The following SLC33A1 variants were observed in gnomAD, a reference collection of about 807,000 sequenced individuals.
The protein encoded by SLC33A1 is solute carrier family 33 member 1, also known as acetyl-coenzyme A transporter 1.
Under a neutral mutation model 50.0 loss-of-function variants are expected in SLC33A1, and 20 were observed. That is an observed-to-expected ratio of 0.40 (90% CI 0.28 to 0.58). SLC33A1 has a LOEUF of 0.58. Ranked by LOEUF, SLC33A1 falls within the 20% of genes least tolerant of loss-of-function variation. SLC33A1 has a pLI of 0.44. For synonymous variants in SLC33A1, 265 were observed against 251.8 expected, an observed-to-expected ratio of 1.05 and a Z score of -0.50; for missense variants, 476 against 657.0, an observed-to-expected ratio of 0.72 and a Z score of 3.01.
rs947363198 is a variant in SLC33A1 at position 155,829,666 on chromosome 3, T to C, written c.1482+22A>G. 1.6e-5 allele frequency: 25 copies of C among 1,517,922 alleles called. 1 individual carries two copies. Among genetic ancestry groups the C allele is most frequent in the Non-Finnish European group, 2.0e-5 (22 of 1,092,264 alleles). 94.0% of individuals were successfully genotyped at this position (1,517,922 alleles called of 1,614,324 possible). ...ATATCTTAGTATTAGCTTAATGTTA[T>C]CTAAAATTAAAACATACTTACCTCA... is the stretch of plus-strand genomic sequence containing the variant. On this transcript the variant is annotated intron_variant, in intron 5 of 5. Transcript: ENST00000643144.
At chr3:155,846,133 G>A (rs779268990) in intron 1 of SLC33A1, among the ~76,000 whole-genome samples, 38 of 152,126 alleles carry the variant, frequency 2.5e-4, no homozygotes, top group Non-Finnish European at 4.7e-4. Context: ...ACAATAGCTC[G>A]CACCTGAGTG....
intron 2 of SLC33A1, among the ~76,000 whole-genome samples, chr3:155,835,114 T>A (rs2109315294): frequency 6.6e-6 from 1 of 152,368 alleles, no homozygotes; most frequent in South Asian, 2.1e-4. Flanking sequence ...AGAAAACTTG[T>A]TCTTAGGAAA....
At chr3:155,851,985 C>T (rs1420905492) in intron 1 of SLC33A1, among the ~76,000 whole-genome samples, 1 of 152,170 alleles carries the variant, frequency 6.6e-6, no homozygotes, top group South Asian at 2.1e-4. Flanking sequence ...CTGTGAATTT[C>T]CAAGGTAGCA....
intron 5 of SLC33A1, among the ~76,000 whole-genome samples, chr3:155,829,283 A>G (rs1560011145): frequency 6.6e-6 from 1 of 152,222 alleles, no homozygotes; most frequent in African/African-American, 2.4e-5. Flanking sequence ...AAGTAGACAA[A>G]TACCACTTTG....
chr3:155,848,208 G>A (rs1276153190), intron 1 of SLC33A1, among the ~76,000 whole-genome samples: 3 of 152,088 alleles, frequency 2.0e-5, no homozygotes, highest in Non-Finnish European at 4.4e-5. Context: ...CTATTATAAC[G>A]CATTGCAGCC....
chr3:155,829,517 A>G (rs973072176), intron 5 of SLC33A1, among the ~76,000 whole-genome samples, 171 bp downstream of exon 5: 3 of 152,216 alleles, frequency 2.0e-5, no homozygotes, highest in Admixed American at 2.0e-4. Context: ...GCTGATTTGA[A>G]TGATTATAAC....
intron 2 of SLC33A1, among the ~76,000 whole-genome samples, chr3:155,839,900 G>A (rs1041617806): frequency 2.0e-5 from 3 of 151,440 alleles, no homozygotes; most frequent in Admixed American, 1.3e-4. Flanking sequence ...AGCAGAGATC[G>A]CGCCACTGTA....
At chr3:155,836,327 A>AAAGAAAGAAAG (rs1560015448) in intron 2 of SLC33A1, among the ~76,000 whole-genome samples, 3 of 138,616 alleles carry the variant, frequency 2.2e-5, no homozygotes, top group Admixed American at 7.7e-5. Flanking sequence ...AAGAAAGAAA[A>AAAGAAAGAAAG]AAAGAAAGAA....
intron 1 of SLC33A1, among the ~76,000 whole-genome samples, chr3:155,847,519 CG>C (rs1461081847): frequency 6.6e-6 from 1 of 151,730 alleles, no homozygotes; most frequent in African/African-American, 2.4e-5. Flanking sequence ...CTGAGGTGGG[CG>C]GATCACCTGA....
At chr3:155,836,156 C>T (rs150202351) in intron 2 of SLC33A1, among the ~76,000 whole-genome samples, 2,905 of 150,648 alleles carry the variant, frequency 0.019, 88 homozygotes, top group African/African-American at 0.067. Flanking sequence ...TGGTGGTATA[C>T]GCCTGTAGTC....
In SLC33A1 at chr3:155,842,491, A is replaced by G. The variant is rs886058109; in HGVS notation, c.904T>C (p.Phe302Leu). 6.2e-7 allele frequency: 1 copy of G among 1,612,698 alleles called. No individual in the cohort carries two copies. The highest frequency in any genetic ancestry group is 8.5e-7 in the Non-Finnish European group (1 of 1,179,246). Residue 302 changes from phenylalanine to leucine, a missense_variant, in exon 2 of 6, where the codon TTT (phenylalanine) becomes CTT (leucine). Coordinates refer to ENST00000643144, the MANE Select transcript of SLC33A1 (RefSeq NM_004733.4). ...ACTGCTGGCATTTTTATAATTGCAAAAAGCAGCTTGTAAGTATCTGTGATC... is the reference window on the plus strand; with the variant it reads ...ACTGCTGGCATTTTTATAATTGCAAGAAGCAGCTTGTAAGTATCTGTGATC... ...QGITDTYKLLFAIIKMPAVLT... is the reference protein window; with the variant it reads ...QGITDTYKLLLAIIKMPAVLT...
chr3:155,852,869 T>C (rs970479009), intron 1 of SLC33A1, among the ~76,000 whole-genome samples: 1 of 152,168 alleles, frequency 6.6e-6, no homozygotes, highest in Non-Finnish European at 1.5e-5. Context: ...TTAGAAAGTA[T>C]AGAGCTAGAA....
At chr3:155,846,903 G>T (rs1279771934) in intron 1 of SLC33A1, among the ~76,000 whole-genome samples, 1 of 151,686 alleles carries the variant, frequency 6.6e-6, no homozygotes, top group Admixed American at 6.6e-5. Context: ...ATTATAGGGA[G>T]ATTACTTTAA....
At chr3:155,838,437 T>C (rs958762201) in intron 2 of SLC33A1, among the ~76,000 whole-genome samples, 3 of 151,832 alleles carry the variant, frequency 2.0e-5, no homozygotes, top group Non-Finnish European at 4.4e-5. Flanking sequence ...TCCCAGCACT[T>C]TGGGAGGCAA....
At position 155,833,557 on chromosome 3, in the gene SLC33A1, G is replaced by C. The variant is rs761620669; in HGVS notation, c.1177C>G (p.Leu393Val). 1.3e-6 allele frequency: 2 copies of C among 1,595,894 alleles called. No homozygotes were observed. The highest frequency in any genetic ancestry group is 4.5e-5 in the East Asian group (2 of 44,770). Reference protein sequence around the residue: ...RLLLGLEYALLVWWTPKVEHQ... With the variant: ...RLLLGLEYALVVWWTPKVEHQ... ...TCTACTTTAGGAGTCCACCAAACCAGTAGGGCATATTCTAACCCAAGCAAT... is the reference window on the plus strand; with the variant it reads ...TCTACTTTAGGAGTCCACCAAACCACTAGGGCATATTCTAACCCAAGCAAT... Residue 393 changes from leucine to valine, a missense_variant, in exon 4 of 6, where the codon CTG becomes GTG. Physicochemically the swap from Leu to Val is conservative, Grantham distance 32. Transcript: ENST00000643144.
At chr3:155,848,532 A>T (rs968005230) in intron 1 of SLC33A1, among the ~76,000 whole-genome samples, 2 of 152,096 alleles carry the variant, frequency 1.3e-5, no homozygotes, top group African/African-American at 4.8e-5. Flanking sequence ...AATACAAAAA[A>T]TTAGCAGGGC....
intron 2 of SLC33A1, among the ~76,000 whole-genome samples, chr3:155,838,102 G>A (rs1405976558): frequency 6.6e-6 from 1 of 151,950 alleles, no homozygotes; most frequent in Admixed American, 6.6e-5. Flanking sequence ...TCGGGAGTTC[G>A]AGACTAGCCT....
intron 1 of SLC33A1, among the ~76,000 whole-genome samples, chr3:155,848,298 G>C (rs1274078195): frequency 6.6e-6 from 1 of 152,164 alleles, no homozygotes; most frequent in Non-Finnish European, 1.5e-5. Context: ...ACTGTGCTCA[G>C]CTAAAGACAT....
chr3:155,853,822 C>T lies in SLC33A1; in HGVS notation c.176G>A (p.Gly59Asp). 6.2e-7 allele frequency: 1 copy of T among 1,610,212 alleles called. No individual in the cohort carries two copies. Residue 59 changes from glycine (G) to aspartate (D), a missense_variant, in exon 1 of 6, where the codon GGC becomes GAC. By Grantham distance (94) the Gly-to-Asp change is moderately conservative (BLOSUM62 -1). Transcript: ENST00000643144. ...REALLGDTGT[G>D]DFLKAPQSFR... is the part of the protein sequence containing the mutation. ...GCTCTGTGGGGCTTTTAAGAAGTCG[C>T]CAGTGCCGGTATCCCCCAGAAGAGC... is the stretch of plus-strand genomic sequence containing the variant.
Sources: allele counts gnomAD v4.1 joint callset (sites outside exome capture counted in the v4.1 genomes callset), GRCh38; gene constraint gnomAD v4.1.1; transcripts MANE v1.5; gene names NCBI Gene and HGNC (gene_info 2026-07-23, HGNC 2026-07-21).